The following TRA2B variants were observed in gnomAD, a reference collection of about 807,000 sequenced individuals.
TRA2B encodes the protein transformer-2 protein homolog beta.
Under a neutral mutation model 41.7 loss-of-function variants are expected in TRA2B, and 14 were observed. The ratio of observed to expected loss-of-function variants is 0.34; its 90% CI spans 0.22 to 0.53. The LOEUF (loss-of-function observed/expected upper bound fraction) is 0.53. TRA2B is among the 20% of genes least tolerant of loss of function. The pLI, the probability that TRA2B is intolerant of heterozygous loss-of-function variation, is 0.95. For missense variants in TRA2B, 167 were observed against 396.8 expected (o/e 0.42, Z 4.92); for synonymous variants, 130 against 128.8 (o/e 1.01, Z -0.06).
At position 185,924,304 on chromosome 3, in the gene TRA2B, C is replaced by G. The variant is rs188940612; in HGVS notation, c.334-320G>C. The G allele has an allele frequency of 2.2e-3, 467 of 215,116 alleles. 2 individuals carry two copies. The highest frequency in any genetic ancestry group is 3.6e-3 in the Non-Finnish European group (400 of 109,636). The allele number at this position is 215,116 out of a possible 1,614,324, so 13.3% of individuals were successfully genotyped here. A position where few individuals can be genotyped will look rare whatever the true frequency, so the allele number is the denominator to read the frequency against. On this transcript the variant is annotated intron_variant, in intron 3 of 8. Coordinates refer to ENST00000453386, the MANE Select transcript of TRA2B (RefSeq NM_004593.3). ...ATTCACATATTCATAACATGACATA[C>G]AAGGATAACTGGAACCACACTGTGT... is the stretch of plus-strand genomic sequence containing the variant.
intron 1 of TRA2B, among the ~76,000 whole-genome samples, chr3:185,930,768 C>G (rs1034957839): frequency 6.6e-6 from 1 of 152,160 alleles, no homozygotes; most frequent in African/African-American, 2.4e-5. Context: ...CAGAATAAAG[C>G]TACTTTGTAA....
intron 3 of TRA2B, chr3:185,924,553 G>T (rs906340187): frequency 1.3e-5 from 2 of 152,866 alleles, no homozygotes; most frequent in Non-Finnish European, 2.9e-5. Context: ...GCTCATGCTT[G>T]TAATCCAAAC....
intron 1 of TRA2B, chr3:185,936,548 ACT>A (rs778579050): frequency 4.1e-6 from 4 of 985,258 alleles, no homozygotes; most frequent in South Asian, 4.7e-5. Context: ...TTCCTAAAAT[ACT>A]CTGAGGAATC....
In TRA2B at chr3:185,917,361, A is replaced by T. The variant is rs1235283132; in HGVS notation, c.*354T>A. ...AAACTGTTTATTGTTGCTTTTTGCC[A>T]TTTGGTAGCATTTTACACAGGCTTC... On this transcript the variant is annotated 3_prime_UTR_variant, in exon 9 of 9. Transcript: ENST00000453386. The T allele has an allele frequency of 1.2e-5, 3 of 254,586 alleles. No homozygotes were observed. The highest frequency in any genetic ancestry group is 7.4e-6 in the Non-Finnish European group (1 of 135,216). 15.8% of individuals were successfully genotyped at this position (254,586 alleles called of 1,614,324 possible).
chr3:185,936,096 T>C, intron 1 of TRA2B: 1 of 985,404 alleles, frequency 1.0e-6, no homozygotes, highest in Non-Finnish European at 1.2e-6. Flanking sequence ...CTCTGGGCAA[T>C]TTTCCATTCT....
At chr3:185,929,059 T>C (rs1744055338) in intron 1 of TRA2B, 1 of 152,200 alleles carries the variant, frequency 6.6e-6, no homozygotes, top group Admixed American at 6.5e-5. Context: ...TATGCAGATA[T>C]ATTTTGTAAG....
intron 1 of TRA2B, chr3:185,935,000 C>G: frequency 1.0e-6 from 1 of 985,420 alleles, no homozygotes; most frequent in Non-Finnish European, 1.2e-6. Flanking sequence ...AAACTCATTA[C>G]AATATTGAGA....
At chr3:185,928,751 A>T (rs1744045605) in intron 1 of TRA2B, 1 of 152,250 alleles carries the variant, frequency 6.6e-6, no homozygotes, top group Non-Finnish European at 1.5e-5. Context: ...GGTGTTTCAC[A>T]GTAACAGTTA....
chr3:185,923,703 A>ACTTGTC (rs761064241), intron 4 of TRA2B, 93 bp downstream of exon 4: 3 of 1,233,664 alleles, frequency 2.4e-6, no homozygotes, highest in Non-Finnish European at 3.3e-6. Flanking sequence ...AGTATTACTG[A>ACTTGTC]CTTGTCCTTG....
chr3:185,934,421 G>A (rs1744269527), intron 1 of TRA2B: 1 of 985,262 alleles, frequency 1.0e-6, no homozygotes. Context: ...AAAACCAGTA[G>A]TACTTACCTT....
intron 1 of TRA2B, chr3:185,927,083 A>G (rs1372923371): frequency 1.1e-5 from 2 of 178,760 alleles, no homozygotes; most frequent in African/African-American, 4.7e-5. Context: ...CTTATTAACT[A>G]TGACACCTAT....
chr3:185,919,471 A>ATCCTCC lies in TRA2B; in HGVS notation c.742_747dup (p.Gly248_Gly249dup). 1 of 1,613,308 alleles carries ATCCTCC rather than the reference A, an allele frequency of 6.2e-7. No homozygotes were observed. Among genetic ancestry groups the ATCCTCC allele is most frequent in the Non-Finnish European group, 8.5e-7 (1 of 1,179,698 alleles). ...TGATCCCTGTCTTGGGCAGCTCTCC[A>ATCCTCC]TCCTCCTCCTCCTCCACCTCCTCCT... On this transcript the variant is annotated inframe_insertion, in exon 7 of 9. Transcript: ENST00000453386.
rs1297829403 is a variant in TRA2B, at chr3:185,916,467, T to C, written c.*1248A>G. The C allele has an allele frequency of 6.6e-6, 1 of 152,202 alleles. No individual in the cohort carries two copies. Among genetic ancestry groups the C allele is most frequent in the African/African-American group, 2.4e-5 (1 of 41,448 alleles). The allele number at this position is 152,202 out of a possible 1,614,324, so 9.4% of individuals were successfully genotyped here. On this transcript the variant is annotated 3_prime_UTR_variant, in exon 9 of 9. Transcript: ENST00000453386. ...GTAGCAACATCCCTACAATTGGTCA[T>C]GAAAATTACTTAAATGCAAAATAAT...
chr3:185,922,361 G>C (rs973591365), intron 4 of TRA2B: 6 of 334,384 alleles, frequency 1.8e-5, no homozygotes, highest in African/African-American at 4.2e-5. Flanking sequence ...GATCCTGACA[G>C]TATTTCCAGC....
In TRA2B at chr3:185,926,899, T is replaced by C; in HGVS notation, c.37-165A>G. 2.6e-6 allele frequency: 2 copies of C among 765,606 alleles called. 1 individual carries two copies. Among genetic ancestry groups the C allele is most frequent in the Admixed American group, 5.9e-5 (2 of 33,730 alleles). The allele number at this position is 765,606 out of a possible 1,614,324, so 47.4% of individuals were successfully genotyped here. A position where few individuals can be genotyped will look rare whatever the true frequency, so the allele number is the denominator to read the frequency against. On this transcript the variant is annotated intron_variant, in intron 1 of 8. Transcript: ENST00000453386. ...TACCTGGTGTTAATAGTTTCATTGC[T>C]CCAAATGACATAAGTCAATTAACTT...
At chr3:185,927,928 G>A (rs534682017) in intron 1 of TRA2B, 4 of 152,344 alleles carry the variant, frequency 2.6e-5, no homozygotes, top group African/African-American at 9.6e-5. Context: ...AGCCTGGTAA[G>A]CCTTTCTACT....
intron 1 of TRA2B, among the ~76,000 whole-genome samples, chr3:185,932,858 G>C (rs1381893127): frequency 1.3e-5 from 2 of 151,946 alleles, no homozygotes; most frequent in African/African-American, 4.8e-5. Context: ...TGAAAAAAAT[G>C]TAAGGCTTTG....
intron 6 of TRA2B, among the ~76,000 whole-genome samples, chr3:185,920,894 T>C (rs903991249): frequency 2.6e-5 from 4 of 152,186 alleles, no homozygotes; most frequent in Non-Finnish European, 5.9e-5. Context: ...TTAAATCCCA[T>C]TTATATTCTA....
intron 3 of TRA2B, chr3:185,924,702 C>G (rs1743876508): frequency 6.6e-6 from 1 of 152,378 alleles, no homozygotes; most frequent in Non-Finnish European, 1.5e-5. Context: ...GTCCTAGCTA[C>G]TCAGGAGGCT....
Sources: gnomAD v4.1 joint callset for allele counts (sites outside exome capture counted in the v4.1 genomes callset) on GRCh38, gnomAD v4.1.1 for gene constraint, MANE v1.5 for transcripts, NCBI Gene and HGNC (gene_info 2026-07-23, HGNC 2026-07-21) for gene names.